P2RY14: variants seen among roughly 807,000 people sequenced by gnomAD.
P2RY14 encodes P2Y purinoceptor 14.
In P2RY14, 2 loss-of-function variants were observed where a neutral mutation model predicts 0.9. The observed-to-expected ratio is 2.16, with a 90% CI of 0.88 to 6.79. P2RY14 has a LOEUF of 6.79. Among genes scored for constraint, P2RY14 ranks in the 30% most tolerant of loss-of-function variants. P2RY14 has a pLI of 0.05. For missense variants in P2RY14, 378 were observed against 400.1 expected (o/e 0.94, Z 0.47); for synonymous variants, 158 against 147.2 (o/e 1.07, Z -0.53).
At chr3:151,235,586 C>T (rs141406256) in intron 1 of P2RY14, among the ~76,000 whole-genome samples, 51 of 152,026 alleles carry the variant, frequency 3.4e-4, no homozygotes, top group African/African-American at 6.8e-4. Context: ...CCCAGTTACG[C>T]GGGAGGCTGA....
At chr3:151,235,328 G>C (rs1247890652) in intron 1 of P2RY14, among the ~76,000 whole-genome samples, 1 of 152,186 alleles carries the variant, frequency 6.6e-6, no homozygotes, top group Non-Finnish European at 1.5e-5. Flanking sequence ...GTTTTGTCAA[G>C]CTCTGCATAA....
At chr3:151,256,267 C>A (rs1333225739) in intron 1 of P2RY14, among the ~76,000 whole-genome samples, 1 of 152,202 alleles carries the variant, frequency 6.6e-6, no homozygotes, top group Middle Eastern at 3.4e-3. Context: ...TATGCAGTAC[C>A]CTGGTAAACT....
Position 151,232,798 on chromosome 3 carries a change from G to A in P2RY14, c.-132-13156C>T, listed in dbSNP as rs1460318966. On this transcript the variant is annotated intron_variant, in intron 1 of 2. Coordinates refer to ENST00000309170, the MANE Select transcript of P2RY14 (RefSeq NM_014879.4). ...AGGCTTACTTGAGGATGGAGGGTGG[G>A]AGGAGGGAGAGGAGCAGAAAGATAA... Among the ~76,000 whole-genome samples, 11 of 152,326 alleles carry A rather than the reference G, an allele frequency of 7.2e-5. No homozygotes were observed. The South Asian group carries it at 2.3e-3, about 32-fold the overall frequency.
chr3:151,244,856 A>C (rs536382971), intron 1 of P2RY14, among the ~76,000 whole-genome samples: 16 of 152,304 alleles, frequency 1.1e-4, no homozygotes, highest in Admixed American at 6.5e-4. Context: ...GATCAACAAA[A>C]TTGATAGACC....
chr3:151,223,451 CAAT>C (rs1442310187), intron 1 of P2RY14, among the ~76,000 whole-genome samples: 1 of 152,104 alleles, frequency 6.6e-6, no homozygotes, highest in Non-Finnish European at 1.5e-5. Flanking sequence ...AGGTGCCTAT[CAAT>C]GATGGATTGG....
intron 1 of P2RY14, among the ~76,000 whole-genome samples, chr3:151,247,545 A>AT (rs1735852327): frequency 1.4e-5 from 2 of 145,656 alleles, no homozygotes; most frequent in Admixed American, 1.4e-4. Context: ...TCTCACTCAT[A>AT]GGTGGGAATT....
At chr3:151,218,866 C>CAAAAAAAAAAAA (rs397686351) in intron 2 of P2RY14, among the ~76,000 whole-genome samples, 1 of 71,334 alleles carries the variant, frequency 1.4e-5, no homozygotes, top group African/African-American at 4.5e-5. Context: ...GACTCAGTCT[C>CAAAAAAAAAAAA]AAAAAAAAAA....
intron 1 of P2RY14, among the ~76,000 whole-genome samples, chr3:151,260,023 G>T (rs1288308343): frequency 6.6e-6 from 1 of 151,962 alleles, no homozygotes. Context: ...GGGAGCTCGG[G>T]TTATTTTGTA....
In P2RY14 at chr3:151,213,703, A is replaced by T. The variant is rs1453414068; in HGVS notation, c.614T>A (p.Phe205Tyr). ...FWIVFLLLIV[F>Y]YTAITKKIFK... ...GATTTTCTTTGTGATAGCAGTATAG[A>T]AAACGATTAACAAAAGAAACACAAT... is the stretch of plus-strand genomic sequence containing the variant. The change falls in exon 3 of 3, where the codon TTC becomes TAC. Residue 205 changes from phenylalanine (F) to tyrosine (Y), a missense_variant. Coordinates refer to ENST00000309170, the MANE Select transcript of P2RY14 (RefSeq NM_014879.4). 1.2e-6 allele frequency: 2 copies of T among 1,614,096 alleles called. No homozygotes were observed. Among genetic ancestry groups the T allele is most frequent in the African/African-American group, 2.7e-5 (2 of 74,922 alleles).
intron 1 of P2RY14, among the ~76,000 whole-genome samples, chr3:151,266,583 T>C (rs1739874998): frequency 1.3e-5 from 2 of 152,208 alleles, no homozygotes; most frequent in Admixed American, 1.3e-4. Context: ...GGGGTTGCTG[T>C]CTTATTTTCC....
At chr3:151,238,438 C>T (rs1411757088) in intron 1 of P2RY14, among the ~76,000 whole-genome samples, 6 of 152,236 alleles carry the variant, frequency 3.9e-5, no homozygotes, top group Non-Finnish European at 5.9e-5. Context: ...TGAGCCACCG[C>T]GCCCAGCCTG....
chr3:151,229,482 T>C, intron 1 of P2RY14, among the ~76,000 whole-genome samples: 1 of 142,988 alleles, frequency 7.0e-6, no homozygotes, highest in African/African-American at 2.6e-5. Context: ...AATTTTTTTT[T>C]TTTTTTTTTT....
Position 151,259,463 on chromosome 3 carries a change from A to T in P2RY14, c.-133+18824T>A, listed in dbSNP as rs1040900624. On this transcript the variant is annotated intron_variant, in intron 1 of 2. Coordinates refer to ENST00000309170, the MANE Select transcript of P2RY14 (RefSeq NM_014879.4). Reference sequence around the variant, plus strand: ...TCAACCTGGACACTTTTGAGAATGAAAAGAGGACTTAATTACATGGGGACA... The same window carrying T: ...TCAACCTGGACACTTTTGAGAATGATAAGAGGACTTAATTACATGGGGACA... 6.6e-5 allele frequency among the ~76,000 whole-genome samples: 10 copies of T among 152,332 alleles called. No individual in the cohort carries two copies. In the East Asian group the frequency reaches 1.9e-3, roughly 29 times the overall value.
chr3:151,219,445 TC>T (rs773736011), intron 2 of P2RY14, 89 bp downstream of exon 2: 11 of 152,226 alleles, frequency 7.2e-5, no homozygotes, highest in Non-Finnish European at 1.5e-4. Flanking sequence ...GAGCTGTAAT[TC>T]CTTCTGTGAA....
At chr3:151,244,332 C>G (rs1277649914) in intron 1 of P2RY14, among the ~76,000 whole-genome samples, 15 of 124,148 alleles carry the variant, frequency 1.2e-4, no homozygotes, top group Non-Finnish European at 2.0e-4. Flanking sequence ...CAGCACCACA[C>G]CACACCTATT....
Position 151,213,274 on chromosome 3 carries a change from GTCTT to G in P2RY14, c.*22_*25del. 1 of 1,538,412 alleles carries G rather than the reference GTCTT, an allele frequency of 6.5e-7. No homozygotes were observed. Among genetic ancestry groups the G allele is most frequent in the Non-Finnish European group, 8.8e-7 (1 of 1,138,200 alleles). On this transcript the variant is annotated 3_prime_UTR_variant, in exon 3 of 3. Transcript: ENST00000309170. ...TTGAAGATGACAACATGCACACGTG[GTCTT>G]TCTTTGGAAGAGGGTAGGAACTCAC...
chr3:151,244,728 A>G (rs1273894978), intron 1 of P2RY14, among the ~76,000 whole-genome samples: 1 of 151,906 alleles, frequency 6.6e-6, no homozygotes, highest in Non-Finnish European at 1.5e-5. Context: ...AAGAGCAAAC[A>G]CATTCAAAAG....
At chr3:151,255,309 G>GACTAAGTCAC (rs557066647) in intron 1 of P2RY14, among the ~76,000 whole-genome samples, 3 of 152,236 alleles carry the variant, frequency 2.0e-5, no homozygotes, top group African/African-American at 7.2e-5. Context: ...CTTCATGTGT[G>GACTAAGTCAC]ACATGCAGTG....
intron 1 of P2RY14, among the ~76,000 whole-genome samples, chr3:151,233,075 G>A (rs1732022162): frequency 6.6e-6 from 1 of 152,192 alleles, no homozygotes; most frequent in Non-Finnish European, 1.5e-5. Flanking sequence ...CCCTCTTGGA[G>A]CTCAGAGCCT....
Sources: gnomAD v4.1 joint callset for allele counts (sites outside exome capture counted in the v4.1 genomes callset) on GRCh38, gnomAD v4.1.1 for gene constraint, MANE v1.5 for transcripts, NCBI Gene and HGNC (gene_info 2026-07-23, HGNC 2026-07-21) for gene names.